ARHGAP39: variants seen among roughly 807,000 people sequenced by gnomAD.
The protein encoded by ARHGAP39 is rho GTPase-activating protein 39.
ARHGAP39 carries 44 observed loss-of-function variants against 106.9 expected under a neutral mutation model. The ratio of observed to expected loss-of-function variants is 0.41; its 90% confidence interval spans 0.32 to 0.53. ARHGAP39 has a LOEUF of 0.53. Among genes scored for constraint, ARHGAP39 ranks in the 20% least tolerant of loss-of-function variants. ARHGAP39 has a pLI of 0.21. For synonymous variants in ARHGAP39, 768 were observed against 693.2 expected, an observed-to-expected ratio of 1.11 and a Z score of -1.69; for missense variants, 1,496 against 1,577.3, an observed-to-expected ratio of 0.95 and a Z score of 0.87.
rs924851144 is a variant in ARHGAP39, at chr8:144,654,618, A to G, written c.-82+31068T>C. Among the ~76,000 whole-genome samples, 4 of 152,298 alleles carry G rather than the reference A, an allele frequency of 2.6e-5. No individual in the cohort carries two copies. In the East Asian group the frequency reaches 7.7e-4, roughly 29 times the overall value. ...AGGCGTGGCCAGGGCTGCACACTCCATGGAGCTGGCAGGAGCCGGGGACAA... is the reference window on the plus strand; with the variant it reads ...AGGCGTGGCCAGGGCTGCACACTCCGTGGAGCTGGCAGGAGCCGGGGACAA... On this transcript the variant is annotated intron_variant, in intron 1 of 11. Coordinates refer to ENST00000377307, the MANE Select transcript of ARHGAP39 (RefSeq NM_025251.3).
In ARHGAP39 at chr8:144,530,114, C is replaced by T; in HGVS notation, c.*308G>A. The T allele has an allele frequency of 2.7e-6, 1 of 367,952 alleles. No homozygotes were observed. The highest frequency in any genetic ancestry group is 4.9e-6 in the Non-Finnish European group (1 of 202,414). The allele number at this position is 367,952 out of a possible 1,614,324, so 22.8% of individuals were successfully genotyped here. On this transcript the variant is annotated 3_prime_UTR_variant, in exon 12 of 12. Transcript: ENST00000377307. ...CAGCCCGGCCCCAAGGAGGCAGCGT[C>T]GCTCGGCTCCAGGACACAGAAGGCA...
intron 1 of ARHGAP39, among the ~76,000 whole-genome samples, chr8:144,615,467 C>T (rs1586616210): frequency 6.6e-6 from 1 of 152,252 alleles, no homozygotes; most frequent in African/African-American, 2.4e-5. Context: ...ATGCTATCTC[C>T]AAAAATCCAT....
intron 2 of ARHGAP39, among the ~76,000 whole-genome samples, chr8:144,599,871 C>T (rs1410271770): frequency 1.3e-5 from 2 of 152,054 alleles, no homozygotes; most frequent in Non-Finnish European, 1.5e-5. Flanking sequence ...AATTCTGAAC[C>T]AATTTTAGAT....
At position 144,548,052 on chromosome 8, in the gene ARHGAP39, G is replaced by A. The variant is rs151220486; in HGVS notation, c.1034C>T (p.Pro345Leu). 4.0e-5 allele frequency: 64 copies of A among 1,600,514 alleles called. No homozygotes were observed. Among genetic ancestry groups the A allele is most frequent in the Middle Eastern group, 3.3e-4 (2 of 6,040 alleles). Residue 345 changes from proline to leucine, a missense_variant, in exon 5 of 12, where the codon CCC (proline) becomes CTC (leucine). Pro to Leu is a moderately conservative substitution (Grantham distance 98). Coordinates refer to ENST00000377307, the MANE Select transcript of ARHGAP39 (RefSeq NM_025251.3). The surrounding 1 kb of genome is among the most constrained non-coding windows in gnomAD (Gnocchi z 7.4). ...GGGCTTACGGCCCGGCGACCGCTGG[G>A]GAGAGCCGGCCTGGTAGCCCCCGCC... Reference protein sequence around the residue: ...EAGGGYQAGSPQRSPGRKPRP... With the variant: ...EAGGGYQAGSLQRSPGRKPRP...
rs376743469 is a variant in ARHGAP39, at chr8:144,603,301, CTGTG to C, written c.80+2230_80+2233del. Among the ~76,000 whole-genome samples, 358 of 150,764 alleles carry C rather than the reference CTGTG, an allele frequency of 2.4e-3. 4 individuals are homozygous for C. The highest frequency in any genetic ancestry group is 7.6e-3 in the African/African-American group (314 of 41,060). On this transcript the variant is annotated intron_variant, in intron 2 of 11. Transcript: ENST00000377307. The stretch of plus-strand genomic sequence containing the variant: ...GAGGTGTGTGTGCGTGCTCGTGTAT[CTGTG>C]TGTGTGCGTGTGCATGTACCTGCAT...
chr8:144,646,531 G>A lies in ARHGAP39; in HGVS notation c.-82+39155C>T, dbSNP rs1563722352. Among the ~76,000 whole-genome samples the A allele has an allele frequency of 2.0e-5, 3 of 152,140 alleles. No homozygotes were observed. Among genetic ancestry groups the A allele is most frequent in the Admixed American group, 1.3e-4 (2 of 15,278 alleles). ...GACACCAAAAGACAGGAGGCGAATCGGCTGCCTCTGAGAACAACTGGGGTG... is the reference window on the plus strand; with the variant it reads ...GACACCAAAAGACAGGAGGCGAATCAGCTGCCTCTGAGAACAACTGGGGTG... On this transcript the variant is annotated intron_variant, in intron 1 of 11. Transcript: ENST00000377307. The surrounding 1 kb of genome is among the most constrained non-coding windows in gnomAD (Gnocchi z 5.7).
chr8:144,597,576 CA>C (rs1337113383), intron 2 of ARHGAP39, among the ~76,000 whole-genome samples: 2 of 152,022 alleles, frequency 1.3e-5, no homozygotes, highest in Admixed American at 1.3e-4. Flanking sequence ...AGGATGGGGG[CA>C]GGGGGCGGGG....
At chr8:144,655,361 T>C (rs927829380) in intron 1 of ARHGAP39, among the ~76,000 whole-genome samples, 2 of 152,118 alleles carry the variant, frequency 1.3e-5, no homozygotes, top group Non-Finnish European at 2.9e-5. Context: ...AGAGAGGAGC[T>C]ACCCTCTCTA....
chr8:144,695,213 T>C, the ARHGAP39 span, among the ~76,000 whole-genome samples: 1 of 146,612 alleles, frequency 6.8e-6, no homozygotes, highest in Non-Finnish European at 1.5e-5. Flanking sequence ...TAGCTGGGAC[T>C]ACAGGTGCGT....
intron 4 of ARHGAP39, among the ~76,000 whole-genome samples, chr8:144,550,522 A>G (rs2130850213): frequency 6.6e-6 from 1 of 152,372 alleles, no homozygotes; most frequent in African/African-American, 2.4e-5. Context: ...CTTTCTGGAC[A>G]AGGCCACATT....
At chr8:144,619,128 G>A (rs1352340314) in intron 1 of ARHGAP39, among the ~76,000 whole-genome samples, 3 of 152,186 alleles carry the variant, frequency 2.0e-5, no homozygotes, top group Non-Finnish European at 2.9e-5. Flanking sequence ...TCACATTGCC[G>A]GAAAGTTCCA....
In ARHGAP39 at chr8:144,530,179, G is replaced by C. The variant is rs1258534385; in HGVS notation, c.*243C>G. The stretch of plus-strand genomic sequence containing the variant: ...ACCCGCGGCCAGCGGAGGGCGAGGC[G>C]GTGCCCGCGGGAACTGGCCGTGAGG... On this transcript the variant is annotated 3_prime_UTR_variant, in exon 12 of 12. Transcript: ENST00000377307. 5.6e-6 allele frequency: 3 copies of C among 533,776 alleles called. No individual in the cohort carries two copies. The highest frequency in any genetic ancestry group is 6.6e-6 in the Non-Finnish European group (2 of 303,084). The allele number at this position is 533,776 out of a possible 1,614,324, so 33.1% of individuals were successfully genotyped here.
chr8:144,695,675 G>A, the ARHGAP39 span, among the ~76,000 whole-genome samples: 1 of 152,120 alleles, frequency 6.6e-6, no homozygotes, highest in Non-Finnish European at 1.5e-5. Context: ...AAGGGGAGGG[G>A]GGTCTAGTTA....
chr8:144,594,217 T>C (rs1365372300), intron 2 of ARHGAP39, among the ~76,000 whole-genome samples: 1 of 151,362 alleles, frequency 6.6e-6, no homozygotes. Flanking sequence ...TCATTAGCCA[T>C]AGGAGAAATG....
At chr8:144,574,717 G>A (rs111270472) in intron 3 of ARHGAP39, among the ~76,000 whole-genome samples, 14,115 of 152,248 alleles carry the variant, frequency 0.093, 1,541 homozygotes, top group African/African-American at 0.26. Context: ...AAATTAGTTT[G>A]GTGTGGTGGT....
chr8:144,647,599 C>CA lies in ARHGAP39; in HGVS notation c.-82+38086dup, dbSNP rs1235881796. ...TCCTGAGGAAATGAAAACAAAACAG[C>CA]AATGAAAACGACTTTACACCAGATC... On this transcript the variant is annotated intron_variant, in intron 1 of 11. Coordinates refer to ENST00000377307, the MANE Select transcript of ARHGAP39 (RefSeq NM_025251.3). The surrounding 1 kb of genome is among the most constrained non-coding windows in gnomAD (Gnocchi z 4.8). 6.6e-6 allele frequency among the ~76,000 whole-genome samples: 1 copy of CA among 152,206 alleles called. No homozygotes were observed. The highest frequency in any genetic ancestry group is 1.5e-5 in the Non-Finnish European group (1 of 68,022).
chr8:144,552,704 A>G (rs1337266925), intron 4 of ARHGAP39, among the ~76,000 whole-genome samples: 1 of 152,068 alleles, frequency 6.6e-6, no homozygotes, highest in Non-Finnish European at 1.5e-5. Flanking sequence ...TATGCAGAGA[A>G]CACCAGAAGC....
intron 2 of ARHGAP39, among the ~76,000 whole-genome samples, chr8:144,596,906 T>G (rs1819643313): frequency 6.6e-6 from 1 of 151,934 alleles, no homozygotes; most frequent in African/African-American, 2.4e-5. Context: ...TTCCCAACTC[T>G]CCCTCCAGGC....
chr8:144,615,189 C>T (rs1820601521), intron 1 of ARHGAP39, among the ~76,000 whole-genome samples: 1 of 152,210 alleles, frequency 6.6e-6, no homozygotes, highest in African/African-American at 2.4e-5. Context: ...GGCGTGGTGG[C>T]ACACGCCTGT....
Sources: gnomAD v4.1 joint callset for allele counts (sites outside exome capture counted in the v4.1 genomes callset) on GRCh38, gnomAD v4.1.1 for gene constraint, Gnocchi (gnomAD v3.1) non-coding constraint, MANE v1.5 for transcripts, NCBI Gene and HGNC (gene_info 2026-07-23, HGNC 2026-07-21) for gene names.